The following FBXW7 variants were observed in gnomAD, a reference collection of about 807,000 sequenced individuals.
The protein encoded by FBXW7 is F-box and WD repeat domain containing 7.
Under a neutral mutation model 86.3 loss-of-function variants are expected in FBXW7, and 11 were observed. That is an observed-to-expected ratio of 0.13 (90% CI 0.08 to 0.21). The LOEUF is 0.21. Among genes scored for constraint, FBXW7 ranks in the 10% least tolerant of loss-of-function variants. The pLI is 1.00. For synonymous variants in FBXW7, 313 were observed against 297.9 expected (o/e 1.05, Z -0.52); for missense variants, 488 against 847.4 (o/e 0.58, Z 5.27).
intron 2 of FBXW7, among the ~76,000 whole-genome samples, chr4:152,443,195 G>A (rs914427353): frequency 6.6e-6 from 1 of 152,162 alleles, no homozygotes; most frequent in African/African-American, 2.4e-5. Context: ...CCGGGAGGCG[G>A]AGGTTGTGGT....
At chr4:152,380,700 T>C (rs898416596) in intron 4 of FBXW7, among the ~76,000 whole-genome samples, 2 of 152,004 alleles carry the variant, frequency 1.3e-5, no homozygotes, top group African/African-American at 4.8e-5. Context: ...ATATATACTG[T>C]AACATAATGA....
intron 2 of FBXW7, among the ~76,000 whole-genome samples, chr4:152,444,311 C>A (rs1419124468): frequency 1.3e-5 from 2 of 152,022 alleles, no homozygotes; most frequent in East Asian, 3.8e-4. Context: ...GATGGTTAGT[C>A]CAAACAAATG....
In FBXW7 at chr4:152,535,188, C is replaced by T. The variant is rs1750408661; in HGVS notation, c.-274G>A. The T allele has an allele frequency of 6.2e-6, 1 of 161,894 alleles. No individual in the cohort carries two copies. Among genetic ancestry groups the T allele is most frequent in the Admixed American group, 6.5e-5 (1 of 15,458 alleles). 10.0% of individuals were successfully genotyped at this position (161,894 alleles called of 1,614,324 possible). On this transcript the variant is annotated 5_prime_UTR_variant, in exon 1 of 14. Coordinates refer to ENST00000281708, the MANE Select transcript of FBXW7 (RefSeq NM_001349798.2). The stretch of plus-strand genomic sequence containing the variant: ...GGCTTCTGCCCGTCCAGGGCCACTT[C>T]TCCCGGGACAGTCAGGTTTGGGAGA...
intron 4 of FBXW7, among the ~76,000 whole-genome samples, chr4:152,405,480 C>T (rs1004267429): frequency 2.6e-5 from 4 of 152,132 alleles, no homozygotes; most frequent in Admixed American, 1.3e-4. Flanking sequence ...AGACTTCAAA[C>T]ATTCTCATTT....
At chr4:152,406,665 A>G (rs906986106) in intron 4 of FBXW7, among the ~76,000 whole-genome samples, 9 of 152,226 alleles carry the variant, frequency 5.9e-5, no homozygotes, top group Non-Finnish European at 1.0e-4. Context: ...AAATTGACTT[A>G]AATTCTAATG....
chr4:152,525,021 ATAAAC>A (rs1328029919), intron 2 of FBXW7, among the ~76,000 whole-genome samples: 1 of 152,242 alleles, frequency 6.6e-6, no homozygotes, highest in Non-Finnish European at 1.5e-5. Context: ...AAGAAATCAA[ATAAAC>A]TAGAGAGAAC....
chr4:152,393,527 T>C (rs1736167353), intron 4 of FBXW7, among the ~76,000 whole-genome samples: 2 of 152,114 alleles, frequency 1.3e-5, no homozygotes, highest in South Asian at 4.1e-4. Flanking sequence ...CCTCAGTATA[T>C]TTAAGTTTTT....
chr4:152,350,223 T>C lies in FBXW7; in HGVS notation c.502-99A>G, dbSNP rs1022378880. The C allele has an allele frequency of 5.4e-6, 3 of 558,428 alleles. No individual in the cohort carries two copies. The Admixed American group carries it at 1.0e-4, about 19-fold the overall frequency. The allele number at this position is 558,428 out of a possible 1,614,324, so 34.6% of individuals were successfully genotyped here. On this transcript the variant is annotated intron_variant, in intron 4 of 13. Transcript: ENST00000281708. ...TATTTTAAATTCTTAAATTTTCATA[T>C]GCCTACAATGTTAATTAAATATATA...
chr4:152,394,689 A>G (rs1270360127), intron 4 of FBXW7, among the ~76,000 whole-genome samples: 4 of 152,058 alleles, frequency 2.6e-5, no homozygotes, highest in African/African-American at 9.7e-5. Context: ...TAACCTTATA[A>G]TATACCATAG....
At chr4:152,417,291 T>C (rs1308697088) in intron 2 of FBXW7, among the ~76,000 whole-genome samples, 1 of 152,216 alleles carries the variant, frequency 6.6e-6, no homozygotes, top group East Asian at 1.9e-4. Flanking sequence ...AATTTGTTCT[T>C]AGAGCCTCCT....
chr4:152,381,984 G>C (rs1035990148), intron 4 of FBXW7, among the ~76,000 whole-genome samples: 4 of 152,020 alleles, frequency 2.6e-5, no homozygotes, highest in African/African-American at 9.7e-5. Flanking sequence ...ATAAATGAGA[G>C]AAAAAGGTGA....
chr4:152,435,069 G>C (rs1383564529), intron 2 of FBXW7, among the ~76,000 whole-genome samples: 1 of 123,948 alleles, frequency 8.1e-6, no homozygotes, highest in African/African-American at 3.0e-5. Context: ...GAGGCCTGGG[G>C]AGGGGAGGGG....
At chr4:152,371,525 C>G (rs1348573162) in intron 4 of FBXW7, among the ~76,000 whole-genome samples, 1 of 152,000 alleles carries the variant, frequency 6.6e-6, no homozygotes, top group East Asian at 1.9e-4. Context: ...AGGCCACTAA[C>G]TTAATTCTAT....
chr4:152,404,820 T>C (rs112349447), intron 4 of FBXW7, among the ~76,000 whole-genome samples: 3,016 of 152,184 alleles, frequency 0.02, 54 homozygotes, highest in Non-Finnish European at 0.033. Context: ...GGCTGGGGCA[T>C]GGTGGCTCAT....
chr4:152,429,122 G>A (rs761920522), intron 2 of FBXW7, among the ~76,000 whole-genome samples: 7 of 152,216 alleles, frequency 4.6e-5, no homozygotes, highest in Non-Finnish European at 8.8e-5. Flanking sequence ...CCTGGGAGGC[G>A]GAGGTTGTGT....
At position 152,326,002 on chromosome 4, in the gene FBXW7, T is replaced by C; in HGVS notation, c.1644+4A>G. The C allele has an allele frequency of 6.2e-7, 1 of 1,610,362 alleles. No individual in the cohort carries two copies. Among genetic ancestry groups the C allele is most frequent in the African/African-American group, 1.3e-5 (1 of 74,928 alleles). ...GCATTTAAGGGAGAGATAAGAGATC[T>C]TACCTGTAATGAATAGACTCTATTA... On this transcript the variant is annotated splice_donor_region_variant and intron_variant, in intron 12 of 13. Transcript: ENST00000281708.
At chr4:152,393,887 G>T (rs1451782931) in intron 4 of FBXW7, among the ~76,000 whole-genome samples, 5 of 152,082 alleles carry the variant, frequency 3.3e-5, no homozygotes, top group Admixed American at 6.6e-5. Flanking sequence ...CTTTTCTGGG[G>T]AGGGGGAAAG....
At chr4:152,473,363 C>T (rs1055155341) in intron 2 of FBXW7, among the ~76,000 whole-genome samples, 1 of 152,208 alleles carries the variant, frequency 6.6e-6, no homozygotes, top group Non-Finnish European at 1.5e-5. Flanking sequence ...ATGTTGATTT[C>T]AAAAGCAACC....
At chr4:152,505,796 T>C (rs541602961) in intron 2 of FBXW7, among the ~76,000 whole-genome samples, 1 of 151,502 alleles carries the variant, frequency 6.6e-6, no homozygotes, top group African/African-American at 2.4e-5. Context: ...GACTGGAGTG[T>C]GGTGGCGCTA....
Sources: allele counts gnomAD v4.1 joint callset (sites outside exome capture counted in the v4.1 genomes callset), GRCh38; gene constraint gnomAD v4.1.1; transcripts MANE v1.5; gene names NCBI Gene and HGNC (gene_info 2026-07-23, HGNC 2026-07-21).